The following PCDHA2 variants were observed in gnomAD, a reference collection of about 807,000 sequenced individuals.
PCDHA2 encodes the protein protocadherin alpha 2, also known as protocadherin alpha-2.
A neutral mutation model predicts 66.0 loss-of-function variants in PCDHA2; 58 were observed. The observed-to-expected ratio is 0.88, with a 90% confidence interval of 0.71 to 1.09. The LOEUF (loss-of-function observed/expected upper bound fraction) is 1.09, where lower values mean the gene tolerates loss of function less well. Ranked by LOEUF, PCDHA2 falls within the 50% of genes least tolerant of loss-of-function variation. The pLI is 0.00. For missense variants in PCDHA2, 1,267 were observed against 1,242.3 expected, an observed-to-expected ratio of 1.02 and a Z score of -0.30; for synonymous variants, 634 against 554.0, an observed-to-expected ratio of 1.14 and a Z score of -2.03.
At chr5:140,980,113 C>T (rs2096877031) in intron 2 of PCDHA2, among the ~76,000 whole-genome samples, 1 of 152,096 alleles carries the variant, frequency 6.6e-6, no homozygotes, top group African/African-American at 2.4e-5. Context: ...ACATTGGAAC[C>T]TGGGTCATAA....
intron 1 of PCDHA2, chr5:140,836,195 C>T (rs1554135720): frequency 3.7e-6 from 6 of 1,613,858 alleles, no homozygotes; most frequent in African/African-American, 1.3e-5. Flanking sequence ...CAGGCTACAA[C>T]GCGTGGCTTT....
At chr5:140,803,671 A>T (rs782450131) in intron 1 of PCDHA2, 2 of 1,599,252 alleles carry the variant, frequency 1.3e-6, no homozygotes, top group Non-Finnish European at 1.7e-6. Context: ...GAAATACATT[A>T]ATAGTTAAGT....
intron 1 of PCDHA2, among the ~76,000 whole-genome samples, chr5:140,952,639 G>C (rs2094775564): frequency 6.6e-6 from 1 of 152,102 alleles, no homozygotes; most frequent in Non-Finnish European, 1.5e-5. Flanking sequence ...ATTCCAACCT[G>C]TGCCTGGTTA....
At chr5:140,866,433 C>CTGAA (rs1217236180) in intron 1 of PCDHA2, 1 of 151,814 alleles carries the variant, frequency 6.6e-6, no homozygotes, top group Non-Finnish European at 1.5e-5. Context: ...GTCTTTCAGT[C>CTGAA]TTCTTCAGTC....
At chr5:140,849,237 A>G (rs1450217299) in intron 1 of PCDHA2, 1 of 1,052,122 alleles carries the variant, frequency 9.5e-7, no homozygotes, top group Non-Finnish European at 1.3e-6. Flanking sequence ...AACCCTGTAT[A>G]CGGTGAAATT....
At chr5:140,821,477 G>A in intron 1 of PCDHA2, 1 of 272,630 alleles carries the variant, frequency 3.7e-6, no homozygotes, top group Non-Finnish European at 6.9e-6. Context: ...TTGAAAGTGA[G>A]AATACTTGAG....
At chr5:140,945,630 A>C (rs1445072054) in intron 1 of PCDHA2, among the ~76,000 whole-genome samples, 1 of 152,166 alleles carries the variant, frequency 6.6e-6, no homozygotes, top group African/African-American at 2.4e-5. Context: ...CTGGCATAAA[A>C]GACATGTAGA....
intron 1 of PCDHA2, chr5:140,883,657 C>T: frequency 1.2e-6 from 2 of 1,613,594 alleles, no homozygotes; most frequent in Non-Finnish European, 1.7e-6. Context: ...ACACGGTGTT[C>T]GTGAAGGAAA....
Position 140,916,718 on chromosome 5 carries a change from G to C in PCDHA2, c.2389-62231G>C, listed in dbSNP as rs115136945. Among the ~76,000 whole-genome samples, 1,217 of 152,304 alleles carry C rather than the reference G, an allele frequency of 8.0e-3. 6 individuals are homozygous for C. Among genetic ancestry groups the C allele is most frequent in the African/African-American group, 0.019 (785 of 41,570 alleles). On this transcript the variant is annotated intron_variant, in intron 1 of 3. Coordinates refer to ENST00000526136, the MANE Select transcript of PCDHA2 (RefSeq NM_018905.3). ...CTCTCCTTAAGCAGAAGGAAGGAGTGACTTTTGTTGCTGCAAGCTTCACTG... is the reference window on the plus strand; with the variant it reads ...CTCTCCTTAAGCAGAAGGAAGGAGTCACTTTTGTTGCTGCAAGCTTCACTG...
intron 1 of PCDHA2, chr5:140,815,720 A>G (rs2150041009): frequency 6.6e-6 from 1 of 152,256 alleles, no homozygotes; most frequent in South Asian, 2.1e-4. Context: ...AGCATCCCCT[A>G]ATTTTAACTC....
intron 1 of PCDHA2, among the ~76,000 whole-genome samples, chr5:140,885,128 T>A (rs2060480813): frequency 6.6e-6 from 1 of 152,222 alleles, no homozygotes; most frequent in Non-Finnish European, 1.5e-5. Context: ...CTTTTCTTTC[T>A]TTCTTTTTTT....
At chr5:140,932,124 A>G (rs2088056676) in intron 1 of PCDHA2, among the ~76,000 whole-genome samples, 1 of 151,956 alleles carries the variant, frequency 6.6e-6, no homozygotes, top group Admixed American at 6.5e-5. Flanking sequence ...GATAATATTT[A>G]AGATATAAAC....
Position 140,862,133 on chromosome 5 carries a change from T to C in PCDHA2, c.2388+64781T>C, listed in dbSNP as rs188346525. ...GTGGATAAATAAATGTAAAGATAGGTTTTGAGGAAACTAAATAATGAAAGA... is the reference window on the plus strand; with the variant it reads ...GTGGATAAATAAATGTAAAGATAGGCTTTGAGGAAACTAAATAATGAAAGA... On this transcript the variant is annotated intron_variant, in intron 1 of 3. Transcript: ENST00000526136. The C allele has an allele frequency of 2.2e-3, 352 of 163,204 alleles. 2 individuals carry two copies. Among genetic ancestry groups the C allele is most frequent in the South Asian group, 2.0e-3 (12 of 5,916 alleles). The allele number at this position is 163,204 out of a possible 1,614,324, so 10.1% of individuals were successfully genotyped here.
chr5:140,875,858 A>T, intron 1 of PCDHA2: 1 of 1,613,908 alleles, frequency 6.2e-7, no homozygotes, highest in Non-Finnish European at 8.5e-7. Flanking sequence ...ATTAACGACA[A>T]CCCGCCGGTG....
At chr5:140,827,996 G>A in intron 1 of PCDHA2, 2 of 1,481,206 alleles carry the variant, frequency 1.4e-6, no homozygotes, top group Non-Finnish European at 1.8e-6. Context: ...AATGATGGCG[G>A]ACGCAGAAGA....
intron 1 of PCDHA2, among the ~76,000 whole-genome samples, chr5:140,922,827 A>G (rs2081011863): frequency 1.3e-5 from 2 of 152,244 alleles, no homozygotes; most frequent in South Asian, 4.1e-4. Context: ...GCATACTGCT[A>G]ATAGATGTCC....
intron 1 of PCDHA2, chr5:140,811,754 T>C (rs1241083034): frequency 6.6e-6 from 1 of 152,384 alleles, no homozygotes; most frequent in East Asian, 1.9e-4. Flanking sequence ...TGACCAGTGA[T>C]GATGGGCATT....
Position 140,850,129 on chromosome 5 carries a change from TG to T in PCDHA2, c.2388+52780del, listed in dbSNP as rs2150469009. On this transcript the variant is annotated intron_variant, in intron 1 of 3. Coordinates refer to ENST00000526136, the MANE Select transcript of PCDHA2 (RefSeq NM_018905.3). Reference sequence around the variant, plus strand: ...GCGCGCGACGCGGGCGTGCCGCCTCTGGGCAGCAACGTGACGCTGCAGGTGT... The same window carrying T: ...GCGCGCGACGCGGGCGTGCCGCCTCTGGCAGCAACGTGACGCTGCAGGTGT... 23 of 1,595,784 alleles carry T rather than the reference TG, an allele frequency of 1.4e-5. 1 individual carries two copies. The South Asian group carries it at 2.4e-4, about 17-fold the overall frequency.
At chr5:140,862,588 G>A in intron 1 of PCDHA2, 1 of 501,458 alleles carries the variant, frequency 2.0e-6, no homozygotes, top group Non-Finnish European at 4.1e-6. Context: ...CCAGCAGCCC[G>A]AGTACATGGT....
Sources: gnomAD v4.1 joint callset for allele counts (sites outside exome capture counted in the v4.1 genomes callset) on GRCh38, gnomAD v4.1.1 for gene constraint, MANE v1.5 for transcripts, NCBI Gene and HGNC (gene_info 2026-07-23, HGNC 2026-07-21) for gene names.